VAMP7: variants seen among roughly 807,000 people sequenced by gnomAD.
VAMP7 encodes vesicle-associated membrane protein 7.
A neutral mutation model predicts 29.6 loss-of-function variants in VAMP7; 14 were observed. The observed-to-expected ratio is 0.47, with a 90% CI of 0.31 to 0.74. VAMP7 has a LOEUF of 0.74. Ranked by LOEUF, VAMP7 falls within the 30% of genes least tolerant of loss-of-function variation. The pLI, the probability that VAMP7 is intolerant of heterozygous loss-of-function variation, is 0.05. For synonymous variants in VAMP7, 95 were observed against 88.1 expected (o/e 1.08, Z -0.44); for missense variants, 223 against 262.4 (o/e 0.85, Z 1.04).
At chrX:155,937,981 T>C (rs1209050218) in intron 6 of VAMP7, among the ~76,000 whole-genome samples, 1 of 152,234 alleles carries the variant, frequency 6.6e-6, no homozygotes, top group Non-Finnish European at 1.5e-5. Flanking sequence ...TGCTCATTTA[T>C]GTTCTGCTTT....
intron 5 of VAMP7, among the ~76,000 whole-genome samples, chrX:155,916,374 A>G (rs2066313551): frequency 6.6e-6 from 1 of 152,124 alleles, no homozygotes; most frequent in South Asian, 2.1e-4. Context: ...TAATATTGTT[A>G]TGTGTGAATT....
At chrX:155,918,753 G>A (rs1160367343) in intron 5 of VAMP7, among the ~76,000 whole-genome samples, 2 of 152,040 alleles carry the variant, frequency 1.3e-5, no homozygotes, top group Non-Finnish European at 2.9e-5. Flanking sequence ...GTTCCTATTC[G>A]GTCATCTTGC....
chrX:155,913,394 A>C (rs1400001119), intron 5 of VAMP7, among the ~76,000 whole-genome samples: 1 of 152,056 alleles, frequency 6.6e-6, no homozygotes, highest in Non-Finnish European at 1.5e-5. Context: ...CCATTTGTCA[A>C]TTTTGGCTTT....
At chrX:155,935,835 C>G (rs1420911244) in intron 6 of VAMP7, among the ~76,000 whole-genome samples, 1 of 152,072 alleles carries the variant, frequency 6.6e-6, no homozygotes, top group Non-Finnish European at 1.5e-5. Context: ...GTGGTTTTAT[C>G]TACCTTTGGT....
At chrX:155,920,151 A>G (rs1303831163) in intron 6 of VAMP7, among the ~76,000 whole-genome samples, 4 of 152,232 alleles carry the variant, frequency 2.6e-5, no homozygotes, top group African/African-American at 7.2e-5. Context: ...TGAGGCCTAT[A>G]TAATTTAGCA....
At chrX:155,913,852 G>A (rs4893105) in intron 5 of VAMP7, among the ~76,000 whole-genome samples, 98,340 of 151,966 alleles carry the variant, frequency 0.65, 32,301 homozygotes, top group African/African-American at 0.77. Flanking sequence ...TCTTGGCTAT[G>A]TGGGCTCTTT....
chrX:155,893,194 A>G (rs1310267809), intron 2 of VAMP7, among the ~76,000 whole-genome samples: 2 of 152,124 alleles, frequency 1.3e-5, no homozygotes, highest in Non-Finnish European at 2.9e-5. Context: ...AACAAATTTT[A>G]TGGGGAAAGT....
chrX:155,903,787 A>T (rs761764984), intron 5 of VAMP7, among the ~76,000 whole-genome samples: 3 of 152,248 alleles, frequency 2.0e-5, no homozygotes, highest in Admixed American at 1.3e-4. Context: ...CCCTTGTGGA[A>T]GTCAGTGTGG....
Position 155,942,195 on chromosome X carries a change from T to C in VAMP7, c.*244T>C. On this transcript the variant is annotated 3_prime_UTR_variant, in exon 8 of 8. Coordinates refer to ENST00000286448, the MANE Select transcript of VAMP7 (RefSeq NM_005638.6). Reference sequence around the variant, plus strand: ...AGCCTTAAAAAGGCTTTTGTTTATTTCTTTGGTTTGTTAACTAGTGTCATC... The same window carrying C: ...AGCCTTAAAAAGGCTTTTGTTTATTCCTTTGGTTTGTTAACTAGTGTCATC... 6.5e-7 allele frequency: 1 copy of C among 1,528,214 alleles called. No homozygotes were observed. The highest frequency in any genetic ancestry group is 1.4e-5 in the African/African-American group (1 of 71,782). The allele number at this position is 1,528,214 out of a possible 1,614,324, so 94.7% of individuals were successfully genotyped here. A position where few individuals can be genotyped will look rare whatever the true frequency, so the allele number is the denominator to read the frequency against.
chrX:155,932,750 A>G (rs1165893770), intron 6 of VAMP7, among the ~76,000 whole-genome samples: 1 of 152,168 alleles, frequency 6.6e-6, no homozygotes, highest in Non-Finnish European at 1.5e-5. Flanking sequence ...TATGTTGAAT[A>G]GGAGTGGTGA....
rs781365489 is a variant in VAMP7, at chrX:155,909,504, C to A, written c.433+8917C>A. On this transcript the variant is annotated intron_variant, in intron 5 of 7. Transcript: ENST00000286448. ...TGTTCACCCTAATATTTATTTCCTT[C>A]CCACTGCTAGCTTTAGATTTAGTTT... Among the ~76,000 whole-genome samples the A allele has an allele frequency of 3.9e-5, 6 of 152,206 alleles. 1 individual carries two copies. The highest frequency in any genetic ancestry group is 3.9e-4 in the Admixed American group (6 of 15,282).
intron 6 of VAMP7, among the ~76,000 whole-genome samples, chrX:155,933,456 ATCCATT>A (rs1307009884): frequency 4.6e-5 from 7 of 152,074 alleles, no homozygotes; most frequent in African/African-American, 1.7e-4. Flanking sequence ...CAAGGAATTT[ATCCATT>A]TCTTCTAGAT....
chrX:155,899,694 A>G (rs2124272305), intron 4 of VAMP7, among the ~76,000 whole-genome samples: 1 of 152,182 alleles, frequency 6.6e-6, no homozygotes, highest in African/African-American at 2.4e-5. Flanking sequence ...AACACTACCC[A>G]CAACAAAAAT....
At position 155,942,304 on chromosome X, in the gene VAMP7, C is replaced by T. The variant is rs748487600; in HGVS notation, c.*353C>T. 4.9e-6 allele frequency: 4 copies of T among 814,054 alleles called. No individual in the cohort carries two copies. Among genetic ancestry groups the T allele is most frequent in the Non-Finnish European group, 1.9e-6 (1 of 532,194 alleles). 50.4% of individuals were successfully genotyped at this position (814,054 alleles called of 1,614,324 possible). A position where few individuals can be genotyped will look rare whatever the true frequency, so the allele number is the denominator to read the frequency against. On this transcript the variant is annotated 3_prime_UTR_variant, in exon 8 of 8. Transcript: ENST00000286448. The stretch of plus-strand genomic sequence containing the variant: ...GCTATCTACTAAAACTATGGAGAAA[C>T]TTTGTATGTGCACACAAAAGTATTC...
At chrX:155,905,943 T>G (rs2066140303) in intron 5 of VAMP7, among the ~76,000 whole-genome samples, 1 of 148,780 alleles carries the variant, frequency 6.7e-6, no homozygotes, top group African/African-American at 2.5e-5. Context: ...TATCTGGGAT[T>G]TTGATAGGGA....
chrX:155,920,625 C>G (rs2066381709), intron 6 of VAMP7, among the ~76,000 whole-genome samples: 1 of 152,152 alleles, frequency 6.6e-6, no homozygotes, highest in East Asian at 1.9e-4. Context: ...ATCAGGTTGC[C>G]TGGATTTGAA....
chrX:155,901,472 G>A (rs1162583603), intron 5 of VAMP7, among the ~76,000 whole-genome samples: 3 of 151,694 alleles, frequency 2.0e-5, no homozygotes, highest in East Asian at 1.9e-4. Flanking sequence ...GTTTTTAATC[G>A]ACTCCTTTTA....
intron 5 of VAMP7, among the ~76,000 whole-genome samples, chrX:155,912,470 C>T (rs777050234): frequency 1.3e-5 from 2 of 152,178 alleles, no homozygotes; most frequent in African/African-American, 4.8e-5. Flanking sequence ...ATTAACCCAT[C>T]ATCTACATTA....
At chrX:155,891,254 CAG>C (rs1429878408) in intron 2 of VAMP7, among the ~76,000 whole-genome samples, 3 of 152,202 alleles carry the variant, frequency 2.0e-5, no homozygotes, top group Non-Finnish European at 2.9e-5. Context: ...TATAGGATAT[CAG>C]GGGATGACTT....
Sources: gnomAD v4.1 joint callset for allele counts (sites outside exome capture counted in the v4.1 genomes callset) on GRCh38, gnomAD v4.1.1 for gene constraint, MANE v1.5 for transcripts, NCBI Gene and HGNC (gene_info 2026-07-23, HGNC 2026-07-21) for gene names.